TNFSF10: variants seen among roughly 807,000 people sequenced by gnomAD.
The protein encoded by TNFSF10 is tumor necrosis factor ligand superfamily member 10.
Under a neutral mutation model 29.5 loss-of-function variants are expected in TNFSF10, and 13 were observed. That is an observed-to-expected ratio of 0.44 (90% CI 0.29 to 0.70). The LOEUF (loss-of-function observed/expected upper bound fraction) is 0.70. Among genes scored for constraint, TNFSF10 ranks in the 30% least tolerant of loss-of-function variants. The probability of loss-of-function intolerance (pLI) is 0.13; values close to 1 mark genes in which losing one functional copy is unlikely to be tolerated. For synonymous variants in TNFSF10, 111 were observed against 112.8 expected, an observed-to-expected ratio of 0.98 and a Z score of 0.10; for missense variants, 345 against 330.9, an observed-to-expected ratio of 1.04 and a Z score of -0.33.
At chr3:172,514,632 A>G (rs1328910036) in intron 2 of TNFSF10, among the ~76,000 whole-genome samples, 2 of 152,214 alleles carry the variant, frequency 1.3e-5, no homozygotes, top group Non-Finnish European at 2.9e-5. Context: ...TGTCCGGGGC[A>G]GAGGAATGAA....
At chr3:172,514,588 T>C (rs966253036) in intron 2 of TNFSF10, among the ~76,000 whole-genome samples, 1 of 152,196 alleles carries the variant, frequency 6.6e-6, no homozygotes, top group African/African-American at 2.4e-5. Flanking sequence ...GTTTCCATAA[T>C]GTGAGATCAA....
intron 1 of TNFSF10, among the ~76,000 whole-genome samples, chr3:172,516,196 GGA>G (rs1004845059): frequency 6.6e-6 from 1 of 151,652 alleles, no homozygotes; most frequent in African/African-American, 2.4e-5. Flanking sequence ...CCCGGGAGGC[GGA>G]GCTTGCAGTG....
intron 1 of TNFSF10, chr3:172,522,331 C>A: frequency 1.1e-6 from 1 of 925,078 alleles, no homozygotes; most frequent in South Asian, 1.3e-5. Context: ...CTAAGAGCTA[C>A]ATTACAGATT....
intron 1 of TNFSF10, among the ~76,000 whole-genome samples, chr3:172,515,452 A>G: frequency 6.6e-6 from 1 of 152,158 alleles, no homozygotes; most frequent in East Asian, 1.9e-4. Flanking sequence ...TTAGGATCCT[A>G]AATAAAAAAC....
chr3:172,516,241 G>C (rs1335875654), intron 1 of TNFSF10, among the ~76,000 whole-genome samples: 1 of 146,178 alleles, frequency 6.8e-6, no homozygotes, highest in Non-Finnish European at 1.5e-5. Context: ...TCTAGCCTGG[G>C]CAACAGAGCG....
intron 2 of TNFSF10, 24 bp from the exon 3 acceptor site, chr3:172,511,683 T>C (rs753488201): frequency 6.2e-7 from 1 of 1,603,268 alleles, no homozygotes. Context: ...TGAATAAAGC[T>C]TGTTAATTTC....
At chr3:172,511,421 C>A in intron 3 of TNFSF10, 196 bp downstream of exon 3, 1 of 449,874 alleles carries the variant, frequency 2.2e-6, no homozygotes, top group South Asian at 4.0e-5. Flanking sequence ...CATAGATGGG[C>A]CACAGATTTG....
chr3:172,522,924 A>T (rs1713764517), intron 1 of TNFSF10, among the ~76,000 whole-genome samples: 1 of 152,262 alleles, frequency 6.6e-6, no homozygotes, highest in African/African-American at 2.4e-5. Context: ...ACTACAAAGC[A>T]TTTAGCAGAA....
chr3:172,512,270 A>G (rs980787534), intron 2 of TNFSF10, among the ~76,000 whole-genome samples: 8 of 152,242 alleles, frequency 5.3e-5, no homozygotes, highest in Admixed American at 2.0e-4. Context: ...ATCTTCCCAT[A>G]TCTTTGCTAA....
rs753910876 is a variant in TNFSF10, at chr3:172,523,396, A to G, written c.-12T>C. ...TCCATCATAGCCATGATCCTGTCAG[A>G]GTCTGACTGCTGTAAGTCAGCCAGG... On this transcript the variant is annotated 5_prime_UTR_variant, in exon 1 of 5. Transcript: ENST00000241261. The G allele has an allele frequency of 5.0e-6, 8 of 1,607,842 alleles. No individual in the cohort carries two copies. Among genetic ancestry groups the G allele is most frequent in the African/African-American group, 2.7e-5 (2 of 74,838 alleles).
intron 4 of TNFSF10, among the ~76,000 whole-genome samples, chr3:172,508,555 C>A (rs911294424): frequency 6.6e-6 from 1 of 151,876 alleles, no homozygotes; most frequent in Non-Finnish European, 1.5e-5. Flanking sequence ...GATTTGATGG[C>A]GAGCAAAGAA....
intron 4 of TNFSF10, among the ~76,000 whole-genome samples, chr3:172,508,487 G>C (rs1364696095): frequency 6.6e-6 from 1 of 152,098 alleles, no homozygotes; most frequent in Admixed American, 6.5e-5. Context: ...AATGCCACTA[G>C]GAGCACCTAG....
intron 2 of TNFSF10, among the ~76,000 whole-genome samples, chr3:172,512,555 C>T (rs1713268388): frequency 6.6e-6 from 1 of 152,184 alleles, no homozygotes; most frequent in Non-Finnish European, 1.5e-5. Flanking sequence ...GCCCTGATGC[C>T]GGATAATGGG....
intron 2 of TNFSF10, among the ~76,000 whole-genome samples, chr3:172,513,638 CAG>C (rs1033928607): frequency 6.6e-6 from 1 of 152,152 alleles, no homozygotes; most frequent in African/African-American, 2.4e-5. Flanking sequence ...ACCAACATAA[CAG>C]TATTTATATG....
At chr3:172,519,037 T>C (rs1198005456) in intron 1 of TNFSF10, among the ~76,000 whole-genome samples, 2 of 152,228 alleles carry the variant, frequency 1.3e-5, no homozygotes, top group African/African-American at 2.4e-5. Context: ...CTTGAACAAA[T>C]CTCTTAACTT....
At chr3:172,508,837 C>T (rs762814817) in intron 4 of TNFSF10, among the ~76,000 whole-genome samples, 4 of 151,272 alleles carry the variant, frequency 2.6e-5, no homozygotes, top group Non-Finnish European at 1.5e-5. Context: ...TGCAGTGAGC[C>T]GAGATGGTGC....
In TNFSF10 at chr3:172,522,148, T is replaced by C. The variant is rs530086097; in HGVS notation, c.132+1105A>G. The C allele has an allele frequency of 7.3e-4, 242 of 329,688 alleles. 3 individuals are homozygous for C. Among genetic ancestry groups the C allele is most frequent in the South Asian group, 6.0e-3 (226 of 37,818 alleles). The allele number at this position is 329,688 out of a possible 1,614,324, so 20.4% of individuals were successfully genotyped here. On this transcript the variant is annotated intron_variant, in intron 1 of 4. Transcript: ENST00000241261. The stretch of plus-strand genomic sequence containing the variant: ...GGGTGCAGCAAACCACCATGGCACA[T>C]GTATACCTATGTAACAAACCTGCAC...
At position 172,512,790 on chromosome 3, in the gene TNFSF10, G is replaced by A. The variant is rs1279528436; in HGVS notation, c.271-1131C>T. Among the ~76,000 whole-genome samples, 3 of 152,222 alleles carry A rather than the reference G, an allele frequency of 2.0e-5. No individual in the cohort carries two copies. The East Asian group carries it at 5.8e-4, about 29-fold the overall frequency. On this transcript the variant is annotated intron_variant, in intron 2 of 4. Coordinates refer to ENST00000241261, the MANE Select transcript of TNFSF10 (RefSeq NM_003810.4). The stretch of plus-strand genomic sequence containing the variant: ...AAGAAAAGGGTCTTTCCTACAATGT[G>A]GGAGGCAAAATAAAAAGAGTGACTA...
chr3:172,511,634 G>T lies in TNFSF10; in HGVS notation c.296C>A (p.Thr99Asn). The change falls in exon 3 of 5, where the codon ACC becomes AAC. Residue 99 changes from threonine to asparagine, a missense_variant. Transcript: ENST00000241261. The stretch of plus-strand genomic sequence containing the variant: ...GATACTACCTTGAACTGTAGAAATG[G>T]TTTCCTCAGAGGTTCTCAAAATCAT... ...RKMILRTSEETISTVQEKQQN... is the reference protein window; with the variant it reads ...RKMILRTSEENISTVQEKQQN... 6.2e-7 allele frequency: 1 copy of T among 1,611,446 alleles called. No individual in the cohort carries two copies. Among genetic ancestry groups the T allele is most frequent in the South Asian group, 1.1e-5 (1 of 90,878 alleles).
Sources: allele counts gnomAD v4.1 joint callset (sites outside exome capture counted in the v4.1 genomes callset), GRCh38; gene constraint gnomAD v4.1.1; transcripts MANE v1.5; gene names NCBI Gene and HGNC (gene_info 2026-07-23, HGNC 2026-07-21).